FAT3: variants seen among roughly 807,000 people sequenced by gnomAD.
FAT3 encodes FAT atypical cadherin 3, also known as protocadherin Fat 3.
A neutral mutation model predicts 310.2 loss-of-function variants in FAT3; 95 were observed. That is an observed-to-expected ratio of 0.31 (90% CI 0.26 to 0.36). The LOEUF is 0.36. FAT3 is among the 10% of genes least tolerant of loss of function. The probability of loss-of-function intolerance (pLI) is 1.00; values close to 1 mark genes in which losing one functional copy is unlikely to be tolerated. For missense variants in FAT3, 5,408 were observed against 5,715.6 expected, an observed-to-expected ratio of 0.95 and a Z score of 1.74; for synonymous variants, 2,314 against 2,192.9, an observed-to-expected ratio of 1.06 and a Z score of -1.54.
At chr11:92,376,422 C>T (rs777696434) in intron 2 of FAT3, among the ~76,000 whole-genome samples, 11 of 152,150 alleles carry the variant, frequency 7.2e-5, no homozygotes, top group South Asian at 2.1e-4. Flanking sequence ...GTGTGGGGAA[C>T]GCAAGCAAAT....
intron 21 of FAT3, among the ~76,000 whole-genome samples, chr11:92,864,365 T>G (rs545607532): frequency 6.6e-6 from 1 of 152,328 alleles, no homozygotes; most frequent in South Asian, 2.1e-4. Flanking sequence ...CAGAAAAAGA[T>G]ACTCCCCAAA....
intron 3 of FAT3, among the ~76,000 whole-genome samples, chr11:92,552,704 A>G (rs1954861864): frequency 6.6e-6 from 1 of 152,172 alleles, no homozygotes; most frequent in African/African-American, 2.4e-5. Flanking sequence ...TTTTTGCTGT[A>G]ATGCCTACTG....
rs764236215 is a variant in FAT3, at chr11:92,887,084, C to T, written c.13022C>T (p.Ser4341Phe). ...GSNSEVQSLS[S>F]FQSDSGDDNA... ...AACTCTGAAGTTCAGTCCCTCAGCT[C>T]CTTCCAGTCAGATTCTGGTGACGAC... Residue 4341 changes from serine to phenylalanine, a missense_variant, in exon 25 of 28, where the codon TCC becomes TTC. Ser to Phe is a radical substitution (Grantham distance 155). Transcript: ENST00000525166. 1.6e-5 allele frequency: 26 copies of T among 1,611,482 alleles called. No individual in the cohort carries two copies. The highest frequency in any genetic ancestry group is 2.2e-5 in the Non-Finnish European group (26 of 1,179,118).
At chr11:92,442,097 ATATATATATATATATT>A (rs1179551634) in intron 2 of FAT3, among the ~76,000 whole-genome samples, 603 of 45,744 alleles carry the variant, frequency 0.013, 22 homozygotes, top group African/African-American at 0.047. Flanking sequence ...ATATATATAT[ATATATATATATATATT>A]TTTTTTTTTT....
intron 13 of FAT3, among the ~76,000 whole-genome samples, chr11:92,822,013 A>AT (rs899615331): frequency 7.3e-5 from 11 of 150,122 alleles, no homozygotes; most frequent in South Asian, 4.3e-4. Flanking sequence ...AGAGCTGGAC[A>AT]TTTTTTTTTT....
At chr11:92,639,548 C>T (rs1255718358) in intron 3 of FAT3, among the ~76,000 whole-genome samples, 1 of 152,140 alleles carries the variant, frequency 6.6e-6, no homozygotes, top group Non-Finnish European at 1.5e-5. Context: ...CCCTAACTTA[C>T]CTGGCCTGCC....
At chr11:92,543,667 G>A (rs530145559) in intron 3 of FAT3, among the ~76,000 whole-genome samples, 1 of 152,194 alleles carries the variant, frequency 6.6e-6, no homozygotes, top group African/African-American at 2.4e-5. Context: ...TGCACTGTAT[G>A]CCTTATGGGT....
At chr11:92,337,633 T>C (rs1948124500) in intron 1 of FAT3, among the ~76,000 whole-genome samples, 1 of 152,366 alleles carries the variant, frequency 6.6e-6, no homozygotes. Context: ...GGTTTCGCCA[T>C]GTTGGCCAGG....
At chr11:92,880,917 A>G (rs1565674682) in intron 23 of FAT3, 33 bp downstream of exon 23, 4 of 1,602,530 alleles carry the variant, frequency 2.5e-6, no homozygotes, top group Non-Finnish European at 2.6e-6. Context: ...CTTTCTCTAC[A>G]CTGTTCTTTA....
chr11:92,606,160 G>A (rs1207186101), intron 3 of FAT3, among the ~76,000 whole-genome samples: 1 of 152,122 alleles, frequency 6.6e-6, no homozygotes, highest in African/African-American at 2.4e-5. Context: ...AGGAAACTAT[G>A]CCAGTGTTTT....
chr11:92,335,518 C>G (rs1805039555), intron 1 of FAT3, among the ~76,000 whole-genome samples: 1 of 152,128 alleles, frequency 6.6e-6, no homozygotes. Flanking sequence ...CTGTAAAGCT[C>G]AGGTGTTCTG....
intron 3 of FAT3, among the ~76,000 whole-genome samples, chr11:92,581,758 A>G (rs748292715): frequency 6.6e-5 from 10 of 152,006 alleles, no homozygotes; most frequent in Non-Finnish European, 1.2e-4. Flanking sequence ...ACATACATAT[A>G]TTGATATATG....
rs752558204 is a variant in FAT3, at chr11:92,840,545, T to C, written c.10369-17T>C. 1 of 1,550,300 alleles carries C rather than the reference T, an allele frequency of 6.5e-7. No homozygotes were observed. The highest frequency in any genetic ancestry group is 1.4e-5 in the African/African-American group (1 of 73,136). ...GTAATTTTTATCTTCATTTTTACTA[T>C]ATACTCTTTTATGCAGGAAAATAAG... On this transcript the variant is annotated splice_polypyrimidine_tract_variant and intron_variant, in intron 17 of 27. Transcript: ENST00000525166.
At chr11:92,231,019 C>G (rs1870295) in intron 1 of FAT3, among the ~76,000 whole-genome samples, 69,723 of 152,002 alleles carry the variant, frequency 0.46, 16,413 homozygotes, top group Non-Finnish European at 0.52. Flanking sequence ...CATGGGGCAG[C>G]CCAAATGGGC....
intron 4 of FAT3, among the ~76,000 whole-genome samples, chr11:92,732,422 A>C (rs908347137): frequency 6.6e-6 from 1 of 152,188 alleles, no homozygotes; most frequent in African/African-American, 2.4e-5. Flanking sequence ...GCATATTTTG[A>C]GTGCCTGCTC....
intron 1 of FAT3, among the ~76,000 whole-genome samples, chr11:92,233,233 G>A (rs1034287659): frequency 6.6e-6 from 1 of 152,070 alleles, no homozygotes; most frequent in African/African-American, 2.4e-5. Context: ...CTCCTATACT[G>A]GTACTAATGT....
intron 2 of FAT3, chr11:92,367,115 C>T: frequency 2.3e-6 from 1 of 436,444 alleles, no homozygotes; most frequent in Non-Finnish European, 4.5e-6. Flanking sequence ...CCAGCGTCTC[C>T]CAGTGCCTGC....
At chr11:92,801,941 C>A in intron 10 of FAT3, 32 bp downstream of exon 10, 1 of 1,571,960 alleles carries the variant, frequency 6.4e-7, no homozygotes, top group South Asian at 1.1e-5. Context: ...TCATTATGTG[C>A]ACTGCTTTAT....
chr11:92,711,515 A>G (rs1321813366), intron 4 of FAT3, among the ~76,000 whole-genome samples: 2 of 152,188 alleles, frequency 1.3e-5, no homozygotes, highest in Admixed American at 6.6e-5. Flanking sequence ...TGGATCAGCT[A>G]AAGGAAAGAC....
Sources: allele counts gnomAD v4.1 joint callset (sites outside exome capture counted in the v4.1 genomes callset), GRCh38; gene constraint gnomAD v4.1.1; transcripts MANE v1.5; gene names NCBI Gene and HGNC (gene_info 2026-07-23, HGNC 2026-07-21).